KRT6C: variants seen among roughly 807,000 people sequenced by gnomAD.
The protein encoded by KRT6C is keratin 6C.
KRT6C carries 46 observed loss-of-function variants against 49.4 expected under a neutral mutation model. That is an observed-to-expected ratio of 0.93 (90% CI 0.74 to 1.19). The LOEUF (loss-of-function observed/expected upper bound fraction) is 1.19, where lower values mean the gene tolerates loss of function less well. Ranked by LOEUF, KRT6C falls within the 50% of genes most tolerant of loss-of-function variation. KRT6C has a pLI of 0.00. For missense variants in KRT6C, 552 were observed against 737.5 expected (o/e 0.75, Z 2.91); for synonymous variants, 236 against 297.1 (o/e 0.79, Z 2.12).
chr12:52,473,792 A>G lies in KRT6C; in HGVS notation c.-55T>C. 1 of 1,613,034 alleles carries G rather than the reference A, an allele frequency of 6.2e-7. No individual in the cohort carries two copies. The highest frequency in any genetic ancestry group is 8.5e-7 in the Non-Finnish European group (1 of 1,179,582). ...GCGTTGGAGGCTGGAGGCGAGAGGC[A>G]GGAGAAGCAGGACAAGGAATCGGGC... On this transcript the variant is annotated 5_prime_UTR_variant, in exon 1 of 9. Transcript: ENST00000252250.
At chr12:52,472,702 A>G (rs916399791) in intron 1 of KRT6C, among the ~76,000 whole-genome samples, 1 of 135,768 alleles carries the variant, frequency 7.4e-6, no homozygotes, top group Admixed American at 7.4e-5. Flanking sequence ...TCTCCTCTCA[A>G]ATATTCTGAT....
At position 52,469,793 on chromosome 12, in the gene KRT6C, A is replaced by C; in HGVS notation, c.1301T>G (p.Leu434Arg). The C allele has an allele frequency of 6.2e-7, 1 of 1,614,108 alleles. No individual in the cohort carries two copies. The highest frequency in any genetic ancestry group is 8.5e-7 in the Non-Finnish European group (1 of 1,179,988). ...GGCCAGGTCCTGCTTGGCCTTCTGCAGGGCATCCTCCAGCCCTTCCAGCTT... is the reference window on the plus strand; with the variant it reads ...GGCCAGGTCCTGCTTGGCCTTCTGCCGGGCATCCTCCAGCCCTTCCAGCTT... The part of the protein sequence containing the change: ...KNKLEGLEDA[L>R]QKAKQDLARL... Residue 434 changes from leucine to arginine, a missense_variant, in exon 7 of 9, where the codon CTG (leucine) becomes CGG (arginine). Around this residue, in one of 3 missense-constraint regions of KRT6C, gnomAD observed 425 missense variants for 439.4 expected, o/e 0.97. Transcript: ENST00000252250.
intron 5 of KRT6C, among the ~76,000 whole-genome samples, 155 bp downstream of exon 5, chr12:52,470,977 A>G (rs556886549): frequency 2.0e-5 from 3 of 152,272 alleles, no homozygotes; most frequent in African/African-American, 7.2e-5. Context: ...ACTTGCACAT[A>G]AGTTCCCCAA....
In KRT6C at chr12:52,469,884, T is replaced by A. The variant is rs774395651; in HGVS notation, c.1210A>T (p.Ser404Cys). The A allele has an allele frequency of 6.2e-7, 1 of 1,614,124 alleles. No homozygotes were observed. The highest frequency in any genetic ancestry group is 8.5e-7 in the Non-Finnish European group (1 of 1,180,010). ...EIDHVKKQCASLQAAIADAEQ... is the reference protein window; with the variant it reads ...EIDHVKKQCACLQAAIADAEQ... ...GCATCAGCAATGGCAGCCTGCAGGC[T>A]GGCACACTAGGAGGGGAAAGGAAGA... Residue 404 changes from serine (S) to cysteine (C), a missense_variant, in exon 7 of 9, where the codon AGC (serine) becomes TGC (cysteine). Around this residue, in one of 3 missense-constraint regions of KRT6C, gnomAD observed 425 missense variants for 439.4 expected, o/e 0.97. Transcript: ENST00000252250.
intron 6 of KRT6C, 37 bp downstream of exon 6, chr12:52,470,468 A>C (rs748919009): frequency 3.7e-6 from 6 of 1,614,084 alleles, no homozygotes; most frequent in Non-Finnish European, 5.1e-6. Context: ...GTCTAGCAAA[A>C]AATGATGCTT....
Position 52,469,078 on chromosome 12 carries a change from T to C in KRT6C, c.1679A>G (p.Lys560Arg), listed in dbSNP as rs1937823408. ...KYTTTSSSSR[K>R]SYKH ...GGCAGCACTTTAGTGCTTGTAGCTC[T>C]TCCTGCTGGAGGAGGAGGTGGTGGT... The change falls in exon 9 of 9, where the codon AAG (lysine) becomes AGG (arginine). Residue 560 changes from lysine to arginine, a missense_variant. Lys to Arg is a conservative substitution (Grantham distance 26, BLOSUM62 2). Coordinates refer to ENST00000252250, the MANE Select transcript of KRT6C (RefSeq NM_173086.5). 1 of 1,614,126 alleles carries C rather than the reference T, an allele frequency of 6.2e-7. No homozygotes were observed. The highest frequency in any genetic ancestry group is 8.5e-7 in the Non-Finnish European group (1 of 1,179,990).
At chr12:52,471,868 G>C (rs387762) in intron 2 of KRT6C, 136 bp from the exon 3 acceptor site, 4 of 1,334,162 alleles carry the variant, frequency 3.0e-6, no homozygotes, top group African/African-American at 1.4e-5. Flanking sequence ...AAAGAGATGA[G>C]TTTTGCTACT....
intron 5 of KRT6C, 69 bp from the exon 6 acceptor site, chr12:52,470,699 G>C: frequency 4.3e-6 from 7 of 1,612,358 alleles, no homozygotes; most frequent in Admixed American, 1.7e-5. Context: ...ACTTTCACTT[G>C]TGTATCATGC....
chr12:52,468,812 T>G lies in KRT6C; in HGVS notation c.*250A>C. 1 of 547,862 alleles carries G rather than the reference T, an allele frequency of 1.8e-6. No individual in the cohort carries two copies. Among genetic ancestry groups the G allele is most frequent in the East Asian group, 3.0e-5 (1 of 33,804 alleles). 33.9% of individuals were successfully genotyped at this position (547,862 alleles called of 1,614,324 possible). ...TGGAGGCAAGAAATTAATAATTTAG[T>G]AACAAAGTGAAGCTCCATTGGTGAA... On this transcript the variant is annotated 3_prime_UTR_variant, in exon 9 of 9. Transcript: ENST00000252250.
chr12:52,471,277 G>T lies in KRT6C; in HGVS notation c.932C>A (p.Thr311Asn). Reference sequence around the variant, plus strand: ...CACCACGGATGTGTCTGAGATGTGGGTCTGCATCTGGGACAGCTCCTGCAG... The same window carrying T: ...CACCACGGATGTGTCTGAGATGTGGTTCTGCATCTGGGACAGCTCCTGCAG... ...LYDAELSQMQ[T>N]HISDTSVVLS... The change falls in exon 5 of 9, where the codon ACC (threonine) becomes AAC (asparagine). Residue 311 changes from threonine to asparagine, a missense_variant. Physicochemically the swap from Thr to Asn is moderately conservative, Grantham distance 65. Transcript: ENST00000252250. The T allele has an allele frequency of 6.2e-7, 1 of 1,614,186 alleles. No individual in the cohort carries two copies.
chr12:52,473,801 A>G lies in KRT6C; in HGVS notation c.-64T>C. On this transcript the variant is annotated 5_prime_UTR_variant, in exon 1 of 9. Coordinates refer to ENST00000252250, the MANE Select transcript of KRT6C (RefSeq NM_173086.5). The stretch of plus-strand genomic sequence containing the variant: ...GCTGGAGGCGAGAGGCAGGAGAAGC[A>G]GGACAAGGAATCGGGCTCCAGCAGT... The G allele has an allele frequency of 1.9e-6, 3 of 1,611,850 alleles. No homozygotes were observed. The highest frequency in any genetic ancestry group is 1.3e-5 in the African/African-American group (1 of 75,056).
chr12:52,470,789 C>T (rs966539852), intron 5 of KRT6C, among the ~76,000 whole-genome samples, 159 bp from the exon 6 acceptor site: 1 of 152,062 alleles, frequency 6.6e-6, no homozygotes, highest in African/African-American at 2.4e-5. Context: ...GGATACTAAA[C>T]TCTGGAGTCA....
chr12:52,472,365 G>A, intron 1 of KRT6C, 85 bp from the exon 2 acceptor site: 4 of 1,173,706 alleles, frequency 3.4e-6, no homozygotes, highest in Non-Finnish European at 4.9e-6. Context: ...AGGTCTTGGA[G>A]GTCCCCATGG....
rs146276081 is a variant in KRT6C, at chr12:52,469,233, G to A, written c.1524C>T (p.Gly508=). The change falls in exon 9 of 9, where the codon GGC becomes GGT. Residue 508 remains glycine, a synonymous_variant. Transcript: ENST00000252250. ...GGASGVGSGL[G]LGGGSSYSYG... ...AGGAGTAGCTGCTTCCTCCACCCAG[G>A]CCTAAGCCACTGCCGACACCGCTGG... is the stretch of plus-strand genomic sequence containing the variant. The A allele has an allele frequency of 5.1e-4, 821 of 1,613,938 alleles. 8 individuals carry two copies. In the East Asian group the frequency reaches 0.017, roughly 33 times the overall value.
rs1477992109 is a variant in KRT6C, at chr12:52,471,284, T to A, written c.925A>T (p.Met309Leu). 15 of 1,614,076 alleles carry A rather than the reference T, an allele frequency of 9.3e-6. No individual in the cohort carries two copies. Among genetic ancestry groups the A allele is most frequent in the African/African-American group, 1.3e-5 (1 of 74,910 alleles). Residue 309 changes from methionine (M) to leucine (L), a missense_variant, in exon 5 of 9, where the codon ATG (methionine) becomes TTG (leucine). Met to Leu is a conservative substitution (Grantham distance 15). Coordinates refer to ENST00000252250, the MANE Select transcript of KRT6C (RefSeq NM_173086.5). ...GATGTGTCTGAGATGTGGGTCTGCA[T>A]CTGGGACAGCTCCTGCAGAACAGAA... ...RALYDAELSQ[M>L]QTHISDTSVV...
At chr12:52,471,027 G>A (rs1937869095) in intron 5 of KRT6C, 105 bp downstream of exon 5, 1 of 1,578,864 alleles carries the variant, frequency 6.3e-7, no homozygotes, top group Non-Finnish European at 8.7e-7. Context: ...TCCTGTGAGA[G>A]GACCCCAGCT....
chr12:52,469,624 T>A, intron 7 of KRT6C, 46 bp downstream of exon 7: 1 of 1,614,118 alleles, frequency 6.2e-7, no homozygotes, highest in Non-Finnish European at 8.5e-7. Context: ...GCCAGGAACC[T>A]TGAAGATGGA....
rs749079266 is a variant in KRT6C, at chr12:52,471,124, C to G, written c.1077+8G>C. 14 of 1,614,212 alleles carry G rather than the reference C, an allele frequency of 8.7e-6. No individual in the cohort carries two copies. The highest frequency in any genetic ancestry group is 2.7e-5 in the African/African-American group (2 of 75,070). ...GGATTCCTCAGCAGCTGCCCACTCCCTGCTCACCTTGGTCTGGTACCAGGA... is the reference window on the plus strand; with the variant it reads ...GGATTCCTCAGCAGCTGCCCACTCCGTGCTCACCTTGGTCTGGTACCAGGA... On this transcript the variant is annotated splice_region_variant and intron_variant, in intron 5 of 8. Transcript: ENST00000252250.
rs1449796424 is a variant in KRT6C, at chr12:52,469,315, C to T, written c.1460-18G>A. On this transcript the variant is annotated intron_variant, in intron 8 of 8. Coordinates refer to ENST00000252250, the MANE Select transcript of KRT6C (RefSeq NM_173086.5). ...TACTACAGCTGTGGTGGGGAGGGGA[C>T]AAGGACACAAGAAGCCACGGTGAGC... 1.2e-6 allele frequency: 2 copies of T among 1,613,942 alleles called. No homozygotes were observed. The highest frequency in any genetic ancestry group is 1.1e-5 in the South Asian group (1 of 91,068).
Sources: allele counts gnomAD v4.1 joint callset (sites outside exome capture counted in the v4.1 genomes callset), GRCh38; gene constraint gnomAD v4.1.1; regional missense constraint gnomAD v4.1.1; transcripts MANE v1.5; gene names NCBI Gene and HGNC (gene_info 2026-07-23, HGNC 2026-07-21).